GALNT13: variants seen among roughly 807,000 people sequenced by gnomAD.
GALNT13 encodes polypeptide N-acetylgalactosaminyltransferase 13.
Under a neutral mutation model 64.2 loss-of-function variants are expected in GALNT13, and 28 were observed. The observed-to-expected ratio is 0.44, with a 90% CI of 0.32 to 0.60. The LOEUF (loss-of-function observed/expected upper bound fraction) is 0.60, where lower values mean the gene tolerates loss of function less well. GALNT13 is among the 20% of genes least tolerant of loss of function. The pLI is 0.05. For missense variants in GALNT13, 577 were observed against 669.8 expected (o/e 0.86, Z 1.53); for synonymous variants, 214 against 224.6 (o/e 0.95, Z 0.42).
At chr2:154,293,288 C>T (rs915586035) in intron 8 of GALNT13, among the ~76,000 whole-genome samples, 13 of 152,170 alleles carry the variant, frequency 8.5e-5, no homozygotes, top group Admixed American at 2.0e-4. Context: ...GAATAAAATG[C>T]GGTATTCTAA....
Position 154,438,742 on chromosome 2 carries a change from A to G in GALNT13, c.1530+16A>G. The stretch of plus-strand genomic sequence containing the variant: ...TGATGCTGAGGTATAGTATTTTCTT[A>G]ATTTACTTATTATTTGATGCTTAAG... On this transcript the variant is annotated intron_variant, in intron 12 of 12. Coordinates refer to ENST00000392825, the MANE Select transcript of GALNT13 (RefSeq NM_052917.4). 1 of 1,569,766 alleles carries G rather than the reference A, an allele frequency of 6.4e-7. No individual in the cohort carries two copies. Among genetic ancestry groups the G allele is most frequent in the Non-Finnish European group, 8.7e-7 (1 of 1,150,276 alleles).
In GALNT13 at chr2:154,311,926, C is replaced by T. The variant is rs1216865354; in HGVS notation, c.1156+10337C>T. On this transcript the variant is annotated intron_variant, in intron 9 of 12. Coordinates refer to ENST00000392825, the MANE Select transcript of GALNT13 (RefSeq NM_052917.4). ...CCAGGCGGTCAGAGTTTAAGGTTAT[C>T]TCTCTTATTCCCTGAACAATTGCTG... is the stretch of plus-strand genomic sequence containing the variant. Among the ~76,000 whole-genome samples the T allele has an allele frequency of 2.0e-5, 3 of 152,332 alleles. No homozygotes were observed. In the East Asian group the frequency reaches 5.8e-4, roughly 29 times the overall value.
chr2:153,546,153 T>C, the GALNT13 span, among the ~76,000 whole-genome samples: 5 of 152,148 alleles, frequency 3.3e-5, no homozygotes, highest in Admixed American at 3.3e-4. Context: ...CCTAATAAGA[T>C]CTGAAAATTG....
the GALNT13 span, among the ~76,000 whole-genome samples, chr2:153,217,949 G>A: frequency 6.6e-6 from 1 of 152,056 alleles, no homozygotes; most frequent in African/African-American, 2.4e-5. Context: ...GCCTGCAGAT[G>A]GACATGTCTT....
the GALNT13 span, among the ~76,000 whole-genome samples, chr2:153,176,029 C>A: frequency 6.6e-6 from 1 of 152,138 alleles, no homozygotes; most frequent in Non-Finnish European, 1.5e-5. Context: ...ATCAAACATA[C>A]AGCTGGTCTC....
the GALNT13 span, among the ~76,000 whole-genome samples, chr2:153,464,913 G>A: frequency 6.6e-6 from 1 of 152,106 alleles, no homozygotes; most frequent in Non-Finnish European, 1.5e-5. Flanking sequence ...TATACAAGAA[G>A]TAGATAGTTA....
At chr2:153,881,404 C>T (rs1214486910) in intron 1 of GALNT13, among the ~76,000 whole-genome samples, 1 of 152,256 alleles carries the variant, frequency 6.6e-6, no homozygotes, top group Middle Eastern at 3.4e-3. Flanking sequence ...AGTATTTCCT[C>T]TATTTTGGTA....
the GALNT13 span, among the ~76,000 whole-genome samples, chr2:153,218,597 G>A: frequency 6.6e-6 from 1 of 152,158 alleles, no homozygotes; most frequent in East Asian, 1.9e-4. Flanking sequence ...CTGAACTATG[G>A]GGAATGTTCT....
the GALNT13 span, among the ~76,000 whole-genome samples, chr2:153,169,888 C>T: frequency 6.6e-6 from 1 of 152,182 alleles, no homozygotes; most frequent in South Asian, 2.1e-4. Flanking sequence ...TGGTCCTTGA[C>T]CTCATTAGCA....
chr2:153,725,363 G>A, the GALNT13 span, among the ~76,000 whole-genome samples: 13 of 151,044 alleles, frequency 8.6e-5, no homozygotes, highest in African/African-American at 2.2e-4. Flanking sequence ...GCTAGATGAC[G>A]AGTTAGTGGG....
At chr2:153,210,064 T>C in the GALNT13 span, among the ~76,000 whole-genome samples, 1 of 152,158 alleles carries the variant, frequency 6.6e-6, no homozygotes. Context: ...CTAAACTCAC[T>C]GGTAGCTTGT....
chr2:153,638,713 G>A, the GALNT13 span, among the ~76,000 whole-genome samples: 1 of 152,066 alleles, frequency 6.6e-6, no homozygotes, highest in East Asian at 1.9e-4. Flanking sequence ...CACTGTCACA[G>A]GTAGGTAGGT....
chr2:153,562,040 C>A, the GALNT13 span, among the ~76,000 whole-genome samples: 4 of 122,462 alleles, frequency 3.3e-5, no homozygotes, highest in Non-Finnish European at 6.9e-5. Context: ...CTCTCTCTCT[C>A]TTTCTCTCTC....
At chr2:153,537,501 C>T in the GALNT13 span, among the ~76,000 whole-genome samples, 1 of 152,104 alleles carries the variant, frequency 6.6e-6, no homozygotes, top group Non-Finnish European at 1.5e-5. Flanking sequence ...TTGGAGAAAA[C>T]ATCAAGACTG....
chr2:153,673,023 C>T, the GALNT13 span, among the ~76,000 whole-genome samples: 2 of 152,136 alleles, frequency 1.3e-5, no homozygotes, highest in African/African-American at 4.8e-5. Context: ...AGTTGAATCT[C>T]TGAATAGACC....
At chr2:153,127,671 G>A in the GALNT13 span, among the ~76,000 whole-genome samples, 1 of 152,094 alleles carries the variant, frequency 6.6e-6, no homozygotes, top group African/African-American at 2.4e-5. Flanking sequence ...ATACAGCCCT[G>A]AGGTATCTTT....
intron 7 of GALNT13, among the ~76,000 whole-genome samples, chr2:154,251,941 G>A (rs2105888818): frequency 6.6e-6 from 1 of 152,178 alleles, no homozygotes; most frequent in Non-Finnish European, 1.5e-5. Flanking sequence ...AAAAAAATCA[G>A]ACGTGAAGAT....
intron 3 of GALNT13, among the ~76,000 whole-genome samples, chr2:153,981,047 A>G (rs1219927947): frequency 6.6e-6 from 1 of 152,122 alleles, no homozygotes; most frequent in Admixed American, 6.6e-5. Flanking sequence ...ACATTATTAA[A>G]TAGTGAGGTA....
chr2:153,912,825 T>C lies in GALNT13; in HGVS notation c.-105+11818T>C, dbSNP rs571298148. On this transcript the variant is annotated intron_variant, in intron 2 of 12. Transcript: ENST00000392825. ...CCTGAACTGCTGGTCACAATACTTG[T>C]ATGCATGGTGCCAGCCAAAGCTCTT... Among the ~76,000 whole-genome samples the C allele has an allele frequency of 3.9e-5, 6 of 152,304 alleles. No homozygotes were observed. In the South Asian group the frequency reaches 1.2e-3, roughly 32 times the overall value.
Sources: allele counts gnomAD v4.1 joint callset (sites outside exome capture counted in the v4.1 genomes callset), GRCh38; gene constraint gnomAD v4.1.1; transcripts MANE v1.5; gene names NCBI Gene and HGNC (gene_info 2026-07-23, HGNC 2026-07-21).